Variants in TMEM156 observed in about 807,000 individuals in gnomAD.
TMEM156 encodes transmembrane protein 156.
TMEM156 carries 28 observed loss-of-function variants against 30.5 expected under a neutral mutation model. That is an observed-to-expected ratio of 0.92 (90% CI 0.68 to 1.26). The LOEUF (loss-of-function observed/expected upper bound fraction) is 1.26, where lower values mean the gene tolerates loss of function less well. Ranked by LOEUF, TMEM156 falls within the 50% of genes most tolerant of loss-of-function variation. The pLI, the probability that TMEM156 is intolerant of heterozygous loss-of-function variation, is 0.00. For synonymous variants in TMEM156, 137 were observed against 119.9 expected (o/e 1.14, Z -0.93); for missense variants, 351 against 340.6 (o/e 1.03, Z -0.24).
At chr4:38,988,203 A>T (rs913982545) in intron 4 of TMEM156, among the ~76,000 whole-genome samples, 2 of 151,998 alleles carry the variant, frequency 1.3e-5, no homozygotes, top group Non-Finnish European at 2.9e-5. Context: ...ACCTACAGCC[A>T]CTCTGCTCAA....
intron 5 of TMEM156, among the ~76,000 whole-genome samples, chr4:38,975,384 C>CTTTTTTTTTTT: frequency 2.0e-5 from 2 of 97,586 alleles, no homozygotes; most frequent in African/African-American, 7.8e-5. Flanking sequence ...TTTTTCTTTT[C>CTTTTTTTTTTT]TTTTTTTTTT....
At chr4:39,000,155 A>G (rs1713233700) in intron 1 of TMEM156, among the ~76,000 whole-genome samples, 2 of 152,208 alleles carry the variant, frequency 1.3e-5, no homozygotes, top group African/African-American at 2.4e-5. Flanking sequence ...GTCCTTTTGG[A>G]GGCAGAGGTG....
chr4:39,004,895 TA>T (rs1186022696), intron 1 of TMEM156, among the ~76,000 whole-genome samples: 2 of 152,074 alleles, frequency 1.3e-5, no homozygotes, highest in African/African-American at 4.8e-5. Context: ...ACAAGAGAAA[TA>T]AAAACATATG....
rs191871289 is a variant in TMEM156 at position 38,975,745 on chromosome 4, C to T, written c.824-4608G>A. Reference sequence around the variant, plus strand: ...AGATAGTCCCCAGGAGTCCCACCCCCCTGATGTGCAATACTCATTATAATC... The same window carrying T: ...AGATAGTCCCCAGGAGTCCCACCCCTCTGATGTGCAATACTCATTATAATC... On this transcript the variant is annotated intron_variant, in intron 5 of 6. Coordinates refer to ENST00000381938, the MANE Select transcript of TMEM156 (RefSeq NM_024943.3). Among the ~76,000 whole-genome samples the T allele has an allele frequency of 3.4e-3, 513 of 152,154 alleles. 5 individuals are homozygous for T. The highest frequency in any genetic ancestry group is 0.012 in the African/African-American group (482 of 41,506).
intron 1 of TMEM156, among the ~76,000 whole-genome samples, chr4:39,029,272 CA>C (rs1430051932): frequency 1.3e-5 from 2 of 151,094 alleles, no homozygotes; most frequent in African/African-American, 4.9e-5. Flanking sequence ...GTGAATAGAA[CA>C]TGAGAAAAAA....
chr4:39,005,691 A>G (rs1037242720), intron 1 of TMEM156, among the ~76,000 whole-genome samples: 1 of 152,208 alleles, frequency 6.6e-6, no homozygotes, highest in African/African-American at 2.4e-5. Flanking sequence ...ATACACTTAA[A>G]GTAGGAGCAT....
chr4:39,002,357 A>T (rs1220103091), intron 1 of TMEM156, among the ~76,000 whole-genome samples: 3 of 151,632 alleles, frequency 2.0e-5, no homozygotes, highest in Non-Finnish European at 4.4e-5. Context: ...CCAGTTAGAA[A>T]GGCAATCATT....
chr4:39,005,229 G>A (rs772753633), intron 1 of TMEM156, among the ~76,000 whole-genome samples: 24 of 152,150 alleles, frequency 1.6e-4, no homozygotes, highest in Admixed American at 1.3e-4. Flanking sequence ...TGTACGATTC[G>A]GCTTTGTGTC....
At chr4:39,010,331 T>A (rs1318973589) in intron 1 of TMEM156, among the ~76,000 whole-genome samples, 1 of 152,132 alleles carries the variant, frequency 6.6e-6, no homozygotes, top group Non-Finnish European at 1.5e-5. Flanking sequence ...CCCAAAGCAA[T>A]CTACAGATTC....
At chr4:39,015,916 C>T (rs1714449733) in intron 1 of TMEM156, among the ~76,000 whole-genome samples, 1 of 152,160 alleles carries the variant, frequency 6.6e-6, no homozygotes, top group South Asian at 2.1e-4. Flanking sequence ...AGTCCTTCCG[C>T]CTTCCACCAT....
intron 4 of TMEM156, 33 bp downstream of exon 4, chr4:38,988,818 G>T (rs1712199257): frequency 6.2e-7 from 1 of 1,612,840 alleles, no homozygotes; most frequent in Admixed American, 1.7e-5. Context: ...GAAGAGATCA[G>T]GAGTTCCTCG....
intron 5 of TMEM156, chr4:38,980,955 C>T (rs1197547838): frequency 8.1e-6 from 8 of 985,072 alleles, no homozygotes; most frequent in Non-Finnish European, 9.6e-6. Flanking sequence ...ATAAATCGTC[C>T]TATTCCGCCT....
intron 1 of TMEM156, among the ~76,000 whole-genome samples, chr4:39,031,882 AAAAAAAAAT>A (rs1445787025): frequency 1.5e-4 from 14 of 93,044 alleles, no homozygotes; most frequent in Admixed American, 6.4e-4. Context: ...CCATCTCAAA[AAAAAAAAAT>A]AAAAAATAAA....
intron 5 of TMEM156, among the ~76,000 whole-genome samples, chr4:38,972,704 C>A (rs1033806005): frequency 2.0e-5 from 3 of 152,128 alleles, no homozygotes; most frequent in Non-Finnish European, 4.4e-5. Context: ...CAACCTTTCA[C>A]GTGTGTAAGC....
At chr4:38,999,283 AT>A (rs1483670990) in intron 1 of TMEM156, among the ~76,000 whole-genome samples, 1 of 151,964 alleles carries the variant, frequency 6.6e-6, no homozygotes, top group East Asian at 1.9e-4. Context: ...TGCCCAGCCA[AT>A]TTTTAAAAAA....
At chr4:38,998,481 T>C in intron 2 of TMEM156, 159 bp downstream of exon 2, 1 of 485,546 alleles carries the variant, frequency 2.1e-6, no homozygotes, top group Non-Finnish European at 3.0e-6. Context: ...GAGGTGGAGG[T>C]TGCAGTGAGC....
At chr4:38,978,864 C>A (rs1489889978) in intron 5 of TMEM156, among the ~76,000 whole-genome samples, 1 of 152,098 alleles carries the variant, frequency 6.6e-6, no homozygotes, top group Non-Finnish European at 1.5e-5. Context: ...CTCATTGCAG[C>A]CTTCACCTCC....
intron 5 of TMEM156, among the ~76,000 whole-genome samples, chr4:38,976,472 G>A (rs566689361): frequency 1.2e-4 from 18 of 152,166 alleles, no homozygotes; most frequent in Admixed American, 3.9e-4. Context: ...CCGAGTGAGC[G>A]TAGATGCATA....
intron 1 of TMEM156, among the ~76,000 whole-genome samples, chr4:39,023,622 C>G (rs1170716138): frequency 2.0e-5 from 3 of 152,136 alleles, no homozygotes; most frequent in Non-Finnish European, 2.9e-5. Context: ...GTGGGCGAAT[C>G]ACTTGAGGTC....
Sources: gnomAD v4.1 joint callset for allele counts (sites outside exome capture counted in the v4.1 genomes callset) on GRCh38, gnomAD v4.1.1 for gene constraint, MANE v1.5 for transcripts, NCBI Gene and HGNC (gene_info 2026-07-23, HGNC 2026-07-21) for gene names.